The following PUS10 variants were observed in gnomAD, a reference collection of about 807,000 sequenced individuals.
PUS10 encodes the protein pseudouridine synthase 10, also known as tRNA pseudouridine synthase Pus10.
A neutral mutation model predicts 75.0 loss-of-function variants in PUS10; 59 were observed. That is an observed-to-expected ratio of 0.79 (90% CI 0.64 to 0.98). The LOEUF (loss-of-function observed/expected upper bound fraction) is 0.98, where lower values mean the gene tolerates loss of function less well. Among genes scored for constraint, PUS10 ranks in the 50% least tolerant of loss-of-function variants. The probability of loss-of-function intolerance (pLI) is 0.00; values close to 1 mark genes in which losing one functional copy is unlikely to be tolerated. For missense variants in PUS10, 650 were observed against 614.4 expected (o/e 1.06, Z -0.61); for synonymous variants, 219 against 211.6 (o/e 1.03, Z -0.30).
At chr2:60,989,431 A>G (rs1010254731) in intron 4 of PUS10, among the ~76,000 whole-genome samples, 1 of 152,160 alleles carries the variant, frequency 6.6e-6, no homozygotes, top group Non-Finnish European at 1.5e-5. Context: ...CTGAGTAAAC[A>G]TAGGCAGAAA....
intron 4 of PUS10, among the ~76,000 whole-genome samples, chr2:60,980,740 T>C (rs954931775): frequency 6.6e-6 from 1 of 152,222 alleles, no homozygotes; most frequent in African/African-American, 2.4e-5. Flanking sequence ...AATGTAATTA[T>C]ATATATAGAT....
intron 15 of PUS10, 100 bp from the exon 16 acceptor site, chr2:60,948,285 C>T (rs1675114852): frequency 1.7e-6 from 2 of 1,148,844 alleles, no homozygotes; most frequent in Non-Finnish European, 2.6e-6. Context: ...ACCACAGATG[C>T]TTCCTTGAGA....
At chr2:60,965,229 T>C (rs1174155486) in intron 7 of PUS10, 126 bp from the exon 8 acceptor site, 2 of 1,032,386 alleles carry the variant, frequency 1.9e-6, no homozygotes, top group East Asian at 2.4e-5. Context: ...AATGAGTCCC[T>C]GTATGAGCTA....
chr2:60,946,612 C>G (rs1208958657), intron 16 of PUS10, among the ~76,000 whole-genome samples: 2 of 152,100 alleles, frequency 1.3e-5, no homozygotes, highest in African/African-American at 4.8e-5. Context: ...CCACTGGAGT[C>G]TAAATTGATC....
Position 60,967,576 on chromosome 2 carries a change from G to A in PUS10, c.541C>T (p.Gln181Ter). 1 of 1,609,356 alleles carries A rather than the reference G, an allele frequency of 6.2e-7. No individual in the cohort carries two copies. Among genetic ancestry groups the A allele is most frequent in the Non-Finnish European group, 8.5e-7 (1 of 1,177,718 alleles). The change falls in exon 6 of 18, where the codon CAG (glutamine) becomes TAG (stop). Residue 181 changes from glutamine to a stop codon, truncating the protein, a stop_gained. Coordinates refer to ENST00000316752, the MANE Select transcript of PUS10 (RefSeq NM_144709.4). LOFTEE classifies it high-confidence loss of function. ...SLSLGRDDIV[Q>*]LKEAYKWITH... ...ATCCATTTGTAGGCTTCTTTTAGCT[G>A]AACTATATCATCTCTTCCCAGCGAC... is the stretch of plus-strand genomic sequence containing the variant.
chr2:60,988,694 G>A (rs867412957), intron 4 of PUS10, among the ~76,000 whole-genome samples: 5 of 152,136 alleles, frequency 3.3e-5, no homozygotes, highest in African/African-American at 4.8e-5. Context: ...GGAGTGCAAC[G>A]GTGCAATCTC....
Position 60,955,171 on chromosome 2 carries a change from C to T in PUS10, c.1001-97G>A, listed in dbSNP as rs1675572005. 5 of 696,194 alleles carry T rather than the reference C, an allele frequency of 7.2e-6. No homozygotes were observed. The Admixed American group carries it at 1.1e-4, about 15-fold the overall frequency. 43.1% of individuals were successfully genotyped at this position (696,194 alleles called of 1,614,324 possible). A position where few individuals can be genotyped will look rare whatever the true frequency, so the allele number is the denominator to read the frequency against. On this transcript the variant is annotated intron_variant, in intron 11 of 17. Coordinates refer to ENST00000316752, the MANE Select transcript of PUS10 (RefSeq NM_144709.4). ...TAGAAACCCAACTGAAGGTCTTGAA[C>T]AATCTATAGGAGAATCCCCAGGGAG...
Position 61,009,551 on chromosome 2 carries a change from A to T in PUS10, c.127-536T>A, listed in dbSNP as rs1451329400. On this transcript the variant is annotated intron_variant, in intron 2 of 17. Coordinates refer to ENST00000316752, the MANE Select transcript of PUS10 (RefSeq NM_144709.4). ...TACTAAGAAAGGTACACAAATGCTG[A>T]CAATGCTGAAAGTTAGCATATGATT... 2.0e-5 allele frequency among the ~76,000 whole-genome samples: 3 copies of T among 152,236 alleles called. No individual in the cohort carries two copies. The East Asian group carries it at 5.8e-4, about 29-fold the overall frequency.
At chr2:60,973,400 C>A (rs1163852017) in intron 4 of PUS10, among the ~76,000 whole-genome samples, 1 of 152,246 alleles carries the variant, frequency 6.6e-6, no homozygotes. Context: ...GGTCTGCTCC[C>A]GCTCCCTGAC....
intron 2 of PUS10, chr2:61,011,004 A>G (rs1679562020): frequency 4.5e-6 from 6 of 1,332,100 alleles, no homozygotes; most frequent in Non-Finnish European, 6.1e-6. Flanking sequence ...TTGCCAAAAT[A>G]ATAGAAACAA....
At chr2:60,983,708 A>G (rs1212233332) in intron 4 of PUS10, among the ~76,000 whole-genome samples, 1 of 152,084 alleles carries the variant, frequency 6.6e-6, no homozygotes, top group Non-Finnish European at 1.5e-5. Flanking sequence ...AAGTGTACCT[A>G]TCAGAATAGA....
chr2:60,955,027 A>G lies in PUS10; in HGVS notation c.1048T>C (p.Leu350=). 2 of 1,584,736 alleles carry G rather than the reference A, an allele frequency of 1.3e-6. No homozygotes were observed. Among genetic ancestry groups the G allele is most frequent in the Non-Finnish European group, 1.7e-6 (2 of 1,163,754 alleles). Residue 350 remains leucine (L), a synonymous_variant, in exon 12 of 18, where the codon TTA becomes CTA. Coordinates refer to ENST00000316752, the MANE Select transcript of PUS10 (RefSeq NM_144709.4). ...GCTGTTGCAGTCTTACCATTTCCTAATGTTCTCACATCTACATCTTCTCTT... is the reference window on the plus strand; with the variant it reads ...GCTGTTGCAGTCTTACCATTTCCTAGTGTTCTCACATCTACATCTTCTCTT... ...SGREDVDVRT[L]GNGRPFAIEL...
chr2:60,965,238 T>C (rs1676263356), intron 7 of PUS10, 135 bp from the exon 8 acceptor site: 3 of 1,002,838 alleles, frequency 3.0e-6, no homozygotes, highest in Admixed American at 2.1e-5. Context: ...CTGTATGAGC[T>C]ATATCGGTTT....
At chr2:61,012,027 C>A in intron 1 of PUS10, 122 bp from the exon 2 acceptor site, 1 of 596,154 alleles carries the variant, frequency 1.7e-6, no homozygotes, top group Non-Finnish European at 2.6e-6. Context: ...ACTCTCTAAC[C>A]AAGCCCCTTT....
intron 4 of PUS10, among the ~76,000 whole-genome samples, chr2:61,005,638 T>G (rs1025759954): frequency 6.6e-6 from 1 of 152,250 alleles, no homozygotes; most frequent in Non-Finnish European, 1.5e-5. Context: ...GATGATTGAC[T>G]AGAAAATGAC....
intron 4 of PUS10, among the ~76,000 whole-genome samples, chr2:60,984,334 T>C (rs1677587741): frequency 6.6e-6 from 1 of 152,300 alleles, no homozygotes; most frequent in East Asian, 1.9e-4. Flanking sequence ...TATAAAAAGA[T>C]GTAAAAGTTC....
intron 4 of PUS10, 64 bp from the exon 5 acceptor site, chr2:60,971,621 C>A: frequency 6.9e-7 from 1 of 1,448,876 alleles, no homozygotes; most frequent in Non-Finnish European, 9.7e-7. Flanking sequence ...GAAATTAAGT[C>A]TCAATATCAT....
intron 17 of PUS10, 127 bp from the exon 18 acceptor site, chr2:60,942,560 C>T: frequency 7.0e-6 from 5 of 716,240 alleles, no homozygotes; most frequent in East Asian, 2.7e-5. Flanking sequence ...AAGAAAAGAG[C>T]TATTGAATAC....
At chr2:60,967,248 C>G (rs1411218035) in intron 6 of PUS10, 2 of 314,944 alleles carry the variant, frequency 6.4e-6, no homozygotes, top group Non-Finnish European at 1.2e-5. Flanking sequence ...TCATTTCTAA[C>G]CTTTTAAGGT....
Sources: allele counts gnomAD v4.1 joint callset (sites outside exome capture counted in the v4.1 genomes callset), GRCh38; gene constraint gnomAD v4.1.1; transcripts MANE v1.5; gene names NCBI Gene and HGNC (gene_info 2026-07-23, HGNC 2026-07-21).